Variants in CDH12 observed in about 807,000 individuals in gnomAD.
CDH12 encodes the protein cadherin 12.
Under a neutral mutation model 74.1 loss-of-function variants are expected in CDH12, and 41 were observed. That is an observed-to-expected ratio of 0.55 (90% CI 0.43 to 0.72). CDH12 has a LOEUF of 0.72. Among genes scored for constraint, CDH12 ranks in the 30% least tolerant of loss-of-function variants. The probability of loss-of-function intolerance (pLI) is 0.00; values close to 1 mark genes in which losing one functional copy is unlikely to be tolerated. For synonymous variants in CDH12, 399 were observed against 355.0 expected, an observed-to-expected ratio of 1.12 and a Z score of -1.39; for missense variants, 945 against 977.2, an observed-to-expected ratio of 0.97 and a Z score of 0.44.
intron 2 of CDH12, among the ~76,000 whole-genome samples, chr5:22,427,266 C>G (rs995892680): frequency 6.6e-6 from 1 of 152,144 alleles, no homozygotes; most frequent in African/African-American, 2.4e-5. Flanking sequence ...CTCCTGGGTT[C>G]AAGCTATTCT....
chr5:22,613,777 G>A (rs536313595), intron 1 of CDH12, among the ~76,000 whole-genome samples: 4 of 152,156 alleles, frequency 2.6e-5, no homozygotes, highest in South Asian at 4.1e-4. Flanking sequence ...GGGGGTAAAA[G>A]AAGATGTTGG....
At chr5:21,953,183 C>T (rs576006582) in intron 6 of CDH12, among the ~76,000 whole-genome samples, 1 of 151,986 alleles carries the variant, frequency 6.6e-6, no homozygotes, top group South Asian at 2.1e-4. Context: ...TTGGTCTTTC[C>T]CCCACTCTTA....
At chr5:22,797,007 T>C (rs1748259734) in intron 1 of CDH12, among the ~76,000 whole-genome samples, 1 of 151,962 alleles carries the variant, frequency 6.6e-6, no homozygotes, top group East Asian at 1.9e-4. Context: ...ATGTCAAAAA[T>C]AGAAAGCAAG....
At chr5:22,548,619 A>G (rs898221921) in intron 1 of CDH12, among the ~76,000 whole-genome samples, 1 of 151,976 alleles carries the variant, frequency 6.6e-6, no homozygotes, top group Non-Finnish European at 1.5e-5. Context: ...TCTCTTGGCC[A>G]CAGAAGGGAG....
chr5:22,564,458 A>C (rs543347134), intron 1 of CDH12, among the ~76,000 whole-genome samples: 1 of 152,318 alleles, frequency 6.6e-6, no homozygotes, highest in Non-Finnish European at 1.5e-5. Flanking sequence ...CACATTTTTA[A>C]TATTTGATAT....
At chr5:22,790,564 C>T (rs1309886803) in intron 1 of CDH12, among the ~76,000 whole-genome samples, 1 of 151,888 alleles carries the variant, frequency 6.6e-6, no homozygotes, top group Non-Finnish European at 1.5e-5. Flanking sequence ...ATGAATCCCT[C>T]TTCTGTTTGG....
At chr5:21,819,535 G>T (rs985910240) in intron 8 of CDH12, among the ~76,000 whole-genome samples, 2 of 151,944 alleles carry the variant, frequency 1.3e-5, no homozygotes, top group Non-Finnish European at 2.9e-5. Flanking sequence ...TGAATTCACG[G>T]TACGATTGGT....
chr5:22,376,879 C>T (rs180837580), intron 3 of CDH12, among the ~76,000 whole-genome samples: 282 of 151,636 alleles, frequency 1.9e-3, no homozygotes, highest in African/African-American at 6.3e-3. Context: ...ATAGTTTCTA[C>T]CAATAATAAA....
intron 1 of CDH12, among the ~76,000 whole-genome samples, chr5:22,548,732 C>T (rs778476785): frequency 6.6e-6 from 1 of 151,938 alleles, no homozygotes; most frequent in Non-Finnish European, 1.5e-5. Flanking sequence ...AAATCATTAT[C>T]CTAGATAATT....
At chr5:22,478,189 C>T (rs961114796) in intron 2 of CDH12, among the ~76,000 whole-genome samples, 3 of 151,866 alleles carry the variant, frequency 2.0e-5, no homozygotes, top group East Asian at 1.9e-4. Context: ...GAGGCCGAGG[C>T]GGGTGGATCA....
chr5:22,177,070 G>A (rs540214244), intron 4 of CDH12, among the ~76,000 whole-genome samples: 12 of 152,164 alleles, frequency 7.9e-5, no homozygotes, highest in Middle Eastern at 3.4e-3. Flanking sequence ...GACATAATAC[G>A]TATTTGTTTC....
intron 1 of CDH12, among the ~76,000 whole-genome samples, chr5:22,782,580 T>C (rs1198252344): frequency 6.6e-6 from 1 of 152,164 alleles, no homozygotes; most frequent in East Asian, 1.9e-4. Context: ...TCTTAGGTAA[T>C]ATCTTTACAG....
intron 3 of CDH12, among the ~76,000 whole-genome samples, chr5:22,215,188 AATGTTGCGT>A (rs1751756091): frequency 1.6e-5 from 1 of 61,100 alleles, no homozygotes; most frequent in East Asian, 7.4e-4. Flanking sequence ...CAAATTTACC[AATGTTGCGT>A]AGTCAGTACA....
chr5:22,013,070 T>C (rs1737392117), intron 5 of CDH12, among the ~76,000 whole-genome samples: 1 of 151,702 alleles, frequency 6.6e-6, no homozygotes, highest in Non-Finnish European at 1.5e-5. Context: ...CAAAACATGC[T>C]GTTTTACTTT....
intron 1 of CDH12, among the ~76,000 whole-genome samples, chr5:22,596,307 G>GGCA (rs1355819265): frequency 6.6e-6 from 1 of 151,536 alleles, no homozygotes; most frequent in Admixed American, 6.6e-5. Context: ...TGGGTGTGGT[G>GGCA]GCGGACAGCT....
At chr5:22,289,283 T>A (rs1737283745) in intron 3 of CDH12, among the ~76,000 whole-genome samples, 1 of 151,882 alleles carries the variant, frequency 6.6e-6, no homozygotes, top group Non-Finnish European at 1.5e-5. Context: ...TAGAAAAAAA[T>A]TCCAAAAAAG....
At chr5:22,256,352 C>T (rs970327271) in intron 3 of CDH12, among the ~76,000 whole-genome samples, 1 of 152,148 alleles carries the variant, frequency 6.6e-6, no homozygotes, top group African/African-American at 2.4e-5. Flanking sequence ...GCCACCTTAA[C>T]ATCACAATGC....
At chr5:22,306,050 T>C (rs1378551980) in intron 3 of CDH12, among the ~76,000 whole-genome samples, 1 of 152,186 alleles carries the variant, frequency 6.6e-6, no homozygotes, top group Admixed American at 6.5e-5. Flanking sequence ...AATTGAACTG[T>C]TATAATTCTC....
chr5:22,294,431 G>T (rs1027498190), intron 3 of CDH12, among the ~76,000 whole-genome samples: 5 of 152,182 alleles, frequency 3.3e-5, no homozygotes, highest in African/African-American at 2.4e-5. Context: ...TATCCATAAA[G>T]AAAGTGTATA....
Sources: gnomAD v4.1 joint callset for allele counts (sites outside exome capture counted in the v4.1 genomes callset) on GRCh38, gnomAD v4.1.1 for gene constraint, MANE v1.5 for transcripts, NCBI Gene and HGNC (gene_info 2026-07-23, HGNC 2026-07-21) for gene names.